Variants in RBM41 observed in about 807,000 individuals in gnomAD.
RBM41 encodes RNA-binding protein 41.
In RBM41, 14 loss-of-function variants were observed where a neutral mutation model predicts 30.8. The ratio of observed to expected loss-of-function variants is 0.45; its 90% confidence interval spans 0.30 to 0.71. RBM41 has a LOEUF of 0.71. Ranked by LOEUF, RBM41 falls within the 30% of genes least tolerant of loss-of-function variation. The pLI, the probability that RBM41 is intolerant of heterozygous loss-of-function variation, is 0.08. For synonymous variants in RBM41, 120 were observed against 110.1 expected, an observed-to-expected ratio of 1.09 and a Z score of -0.56; for missense variants, 276 against 326.3, an observed-to-expected ratio of 0.85 and a Z score of 1.19.
At chrX:107,059,123 CAT>C (rs749626435), downstream of RBM41, among the ~76,000 whole-genome samples, 12 of 111,650 alleles carry the variant, frequency 1.1e-4, no homozygotes, top group East Asian at 5.6e-4. Context: ...AGTAATGATA[CAT>C]ATGTTTTTCT....
intron 5 of RBM41, among the ~76,000 whole-genome samples, chrX:107,101,891 T>C (rs1333965734): frequency 1.8e-5 from 2 of 111,893 alleles, no homozygotes; most frequent in Non-Finnish European, 3.8e-5. Context: ...GGAAGAATTT[T>C]GAGCTGCTTG....
chrX:107,104,641 C>G (rs1923781661), intron 5 of RBM41, among the ~76,000 whole-genome samples: 1 of 111,263 alleles, frequency 9.0e-6, no homozygotes, highest in African/African-American at 3.3e-5. Flanking sequence ...TTTTCTGCAT[C>G]TATTGAGATA....
At chrX:107,115,625 C>G in intron 3 of RBM41, 69 bp from the exon 4 acceptor site, 2 of 1,015,677 alleles carry the variant, frequency 2.0e-6, no homozygotes, top group South Asian at 4.4e-5. Flanking sequence ...TCTGGTATCT[C>G]AAGTAAAAAG....
intron 5 of RBM41, among the ~76,000 whole-genome samples, chrX:107,105,505 T>C (rs1397597136): frequency 9.2e-6 from 1 of 108,856 alleles, no homozygotes; most frequent in African/African-American, 3.4e-5. Context: ...CTTCACAGAA[T>C]TGGAAAAAAC....
chrX:107,106,575 T>C (rs2147721945), intron 5 of RBM41, among the ~76,000 whole-genome samples: 1 of 111,504 alleles, frequency 9.0e-6, no homozygotes, highest in South Asian at 3.8e-4. Flanking sequence ...CACATGTATG[T>C]TTATTGCGGC....
chrX:107,113,376 A>G (rs1399666562), intron 5 of RBM41, 21 bp downstream of exon 5: 2 of 980,676 alleles, frequency 2.0e-6, no homozygotes, highest in African/African-American at 2.0e-5. Context: ...GTCTAACACT[A>G]TAAGAAAACT....
intron 5 of RBM41, among the ~76,000 whole-genome samples, chrX:107,104,611 A>G (rs192323181): frequency 2.0e-4 from 22 of 111,668 alleles, no homozygotes; most frequent in African/African-American, 6.2e-4. Flanking sequence ...CAGTAAAAGA[A>G]GAAGATCTTG....
downstream of RBM41, among the ~76,000 whole-genome samples, chrX:107,057,871 CAAAA>C (rs1233421167): frequency 9.0e-6 from 1 of 111,318 alleles, no homozygotes; most frequent in African/African-American, 3.3e-5. Flanking sequence ...TCAACAGCAA[CAAAA>C]AAAACTGTGA....
chrX:107,115,650 G>C, intron 3 of RBM41, 94 bp from the exon 4 acceptor site: 1 of 914,988 alleles, frequency 1.1e-6, no homozygotes, highest in South Asian at 2.4e-5. Flanking sequence ...CCTAGGCCCA[G>C]AAATGAATGT....
chrX:107,088,367 G>GTATTACTT, intron 6 of RBM41, 69 bp downstream of exon 6: 1 of 997,282 alleles, frequency 1.0e-6, no homozygotes, highest in Admixed American at 2.7e-5. Flanking sequence ...TAATTTAAAA[G>GTATTACTT]TATTACTTTA....
the RBM41 span, among the ~76,000 whole-genome samples, chrX:107,055,562 G>C: frequency 8.9e-6 from 1 of 112,276 alleles, no homozygotes; most frequent in Non-Finnish European, 1.9e-5. Flanking sequence ...CTGACCTCGT[G>C]ATCTGCCCGC....
intron 1 of RBM41, among the ~76,000 whole-genome samples, chrX:107,117,016 T>C (rs776858228): frequency 3.6e-5 from 4 of 112,034 alleles, no homozygotes; most frequent in Non-Finnish European, 7.5e-5. Context: ...AAGCCCACAA[T>C]CTATTTAGGG....
Position 107,088,444 on chromosome X carries a change from G to T in RBM41, c.991C>A (p.Pro331Thr). Residue 331 changes from proline to threonine, a missense_variant, in exon 6 of 8, where the codon CCA becomes ACA. Physicochemically the swap from Pro to Thr is conservative, Grantham distance 38. Coordinates refer to ENST00000685964, the MANE Select transcript of RBM41 (RefSeq NM_001324242.2). ...PMFSSYNPGEPNKVLYLKNLS... is the reference protein window; with the variant it reads ...PMFSSYNPGETNKVLYLKNLS... ...CTTGGTTTGGCCTATACCTTGTTTG[G>T]TTCCCCTGGATTATATGAAGAAAAC... The T allele has an allele frequency of 8.3e-7, 1 of 1,209,518 alleles. No individual in the cohort carries two copies. Among genetic ancestry groups the T allele is most frequent in the Non-Finnish European group, 1.1e-6 (1 of 894,006 alleles).
chrX:107,106,698 G>A lies in RBM41; in HGVS notation c.595+6699C>T, dbSNP rs947912766. Among the ~76,000 whole-genome samples, 3 of 111,077 alleles carry A rather than the reference G, an allele frequency of 2.7e-5. No individual in the cohort carries two copies. The East Asian group carries it at 8.5e-4, about 32-fold the overall frequency. ...GAAATACTATGTAGCCATAAAAAAT[G>A]ATGAGTTCATGTCCTTTGTAGGGAC... On this transcript the variant is annotated intron_variant, in intron 5 of 7. Coordinates refer to ENST00000685964, the MANE Select transcript of RBM41 (RefSeq NM_001324242.2).
intron 5 of RBM41, among the ~76,000 whole-genome samples, chrX:107,100,049 C>T (rs1245750042): frequency 8.9e-6 from 1 of 112,221 alleles, no homozygotes; most frequent in Non-Finnish European, 1.9e-5. Flanking sequence ...GGCAAGTTGT[C>T]AACAGTTGGT....
intron 6 of RBM41, among the ~76,000 whole-genome samples, chrX:107,073,118 G>C (rs1207767005): frequency 2.7e-5 from 3 of 111,582 alleles, no homozygotes; most frequent in Non-Finnish European, 5.7e-5. Flanking sequence ...AAAAGCACAG[G>C]CAACGAAAGC....
At chrX:107,112,403 A>G (rs779584463) in intron 5 of RBM41, among the ~76,000 whole-genome samples, 1 of 111,804 alleles carries the variant, frequency 8.9e-6, no homozygotes, top group South Asian at 3.8e-4. Flanking sequence ...AAAGATGTAG[A>G]GCAACTCGAA....
At chrX:107,079,590 C>T (rs1385473293) in intron 6 of RBM41, among the ~76,000 whole-genome samples, 1 of 112,154 alleles carries the variant, frequency 8.9e-6, no homozygotes, top group Non-Finnish European at 1.9e-5. Context: ...AGACTCTCTT[C>T]TCACTGTCTG....
At chrX:107,104,852 T>C (rs1355436483) in intron 5 of RBM41, among the ~76,000 whole-genome samples, 1 of 111,153 alleles carries the variant, frequency 9.0e-6, no homozygotes, top group African/African-American at 3.3e-5. Context: ...AAATTAGGTA[T>C]TGATGGGACG....
Sources: gnomAD v4.1 joint callset for allele counts (sites outside exome capture counted in the v4.1 genomes callset) on GRCh38, gnomAD v4.1.1 for gene constraint, MANE v1.5 for transcripts, NCBI Gene and HGNC (gene_info 2026-07-23, HGNC 2026-07-21) for gene names.